EXOC6B: variants seen among roughly 807,000 people sequenced by gnomAD.
The protein encoded by EXOC6B is SEC15 homolog B.
EXOC6B carries 54 observed loss-of-function variants against 113.5 expected under a neutral mutation model. That is an observed-to-expected ratio of 0.48 (90% CI 0.38 to 0.60). The LOEUF is 0.60. Ranked by LOEUF, EXOC6B falls within the 20% of genes least tolerant of loss-of-function variation. The pLI, the probability that EXOC6B is intolerant of heterozygous loss-of-function variation, is 0.00. For missense variants in EXOC6B, 797 were observed against 977.5 expected (o/e 0.82, Z 2.46); for synonymous variants, 357 against 339.0 (o/e 1.05, Z -0.58).
chr2:72,336,352 T>C (rs149558042), intron 19 of EXOC6B, among the ~76,000 whole-genome samples: 2 of 152,212 alleles, frequency 1.3e-5, no homozygotes, highest in South Asian at 4.1e-4. Context: ...TAGGAACTTC[T>C]GTTCTTTAAA....
chr2:72,530,268 C>T (rs907660051), intron 8 of EXOC6B, among the ~76,000 whole-genome samples: 1 of 152,160 alleles, frequency 6.6e-6, no homozygotes, highest in Non-Finnish European at 1.5e-5. Flanking sequence ...CAGTTTAGTG[C>T]TATAAATTTC....
chr2:72,631,430 A>G (rs1413079719), intron 6 of EXOC6B, among the ~76,000 whole-genome samples: 2,770 of 19,726 alleles, frequency 0.14, 142 homozygotes, highest in African/African-American at 0.27. Context: ...GTGTGTGTAT[A>G]TATATATATA....
rs36104742 is a variant in EXOC6B, at chr2:72,653,974, T to A, written c.669+64129A>T. On this transcript the variant is annotated intron_variant, in intron 6 of 21. Transcript: ENST00000272427. ...ACAATGTCATGAATTTTATTTATTT[T>A]TTTTTTTTTTTTTGAGACGGAGTCT... Among the ~76,000 whole-genome samples, 320 of 117,998 alleles carry A rather than the reference T, an allele frequency of 2.7e-3. 2 individuals carry two copies. The highest frequency in any genetic ancestry group is 5.3e-3 in the African/African-American group (144 of 27,150). 77.4% of individuals were successfully genotyped at this position (117,998 alleles called of 152,430 possible).
chr2:72,493,330 C>CT (rs1366799028), intron 15 of EXOC6B, among the ~76,000 whole-genome samples: 2 of 137,912 alleles, frequency 1.5e-5, no homozygotes, highest in Non-Finnish European at 3.1e-5. Flanking sequence ...CCCCCCCCCC[C>CT]CCCCGCATTT....
At chr2:72,715,557 T>C (rs1460943259) in intron 6 of EXOC6B, among the ~76,000 whole-genome samples, 2 of 150,304 alleles carry the variant, frequency 1.3e-5, no homozygotes, top group Non-Finnish European at 1.5e-5. Flanking sequence ...AGCAAAGGAG[T>C]TCCTTCCAGG....
chr2:72,746,290 A>G (rs1681689230), intron 1 of EXOC6B, among the ~76,000 whole-genome samples: 1 of 152,124 alleles, frequency 6.6e-6, no homozygotes, highest in African/African-American at 2.4e-5. Context: ...ACTTTACTAT[A>G]GTACTTAGTA....
chr2:72,740,912 C>G (rs1681268884), intron 2 of EXOC6B, among the ~76,000 whole-genome samples: 2 of 152,074 alleles, frequency 1.3e-5, no homozygotes, highest in African/African-American at 4.8e-5. Context: ...ACCATCCTGG[C>G]TAACACGGTG....
intron 20 of EXOC6B, among the ~76,000 whole-genome samples, chr2:72,311,394 GA>G (rs1687174886): frequency 6.6e-6 from 1 of 151,988 alleles, no homozygotes; most frequent in Admixed American, 6.6e-5. Flanking sequence ...AGCCTTTATA[GA>G]GGCCACCCGT....
intron 20 of EXOC6B, among the ~76,000 whole-genome samples, chr2:72,208,293 T>G (rs1679960297): frequency 6.6e-6 from 1 of 151,994 alleles, no homozygotes. Context: ...TATGCCCATG[T>G]GAGCTCAATG....
At chr2:72,729,955 T>A (rs1043983491) in intron 5 of EXOC6B, among the ~76,000 whole-genome samples, 1 of 152,156 alleles carries the variant, frequency 6.6e-6, no homozygotes, top group African/African-American at 2.4e-5. Context: ...ATATTTTAAT[T>A]GTATACTTTT....
At chr2:72,403,975 A>G (rs930591199) in intron 18 of EXOC6B, among the ~76,000 whole-genome samples, 3 of 152,168 alleles carry the variant, frequency 2.0e-5, no homozygotes, top group Non-Finnish European at 4.4e-5. Flanking sequence ...GAAAGGGGTG[A>G]CAGACGGCAC....
chr2:72,475,615 GATA>G (rs1056670139), intron 17 of EXOC6B, among the ~76,000 whole-genome samples: 106 of 152,244 alleles, frequency 7.0e-4, no homozygotes, highest in African/African-American at 2.5e-3. Context: ...CAAGCCCTCT[GATA>G]ATGAGTATAG....
chr2:72,651,586 A>C (rs1384778153), intron 6 of EXOC6B, among the ~76,000 whole-genome samples: 1 of 152,222 alleles, frequency 6.6e-6, no homozygotes, highest in African/African-American at 2.4e-5. Flanking sequence ...CTAATACAAT[A>C]GTTTCTTATT....
At chr2:72,620,076 G>T (rs1005454115) in intron 6 of EXOC6B, among the ~76,000 whole-genome samples, 2 of 152,242 alleles carry the variant, frequency 1.3e-5, no homozygotes, top group African/African-American at 4.8e-5. Flanking sequence ...CCAGACTGAG[G>T]TGCATCTATT....
chr2:72,619,538 A>G (rs1209954217), intron 6 of EXOC6B, among the ~76,000 whole-genome samples: 1 of 152,190 alleles, frequency 6.6e-6, no homozygotes, highest in Admixed American at 6.5e-5. Context: ...GGCAGATAAA[A>G]GGCAGCCAGG....
At chr2:72,476,919 T>C (rs1327697268) in intron 17 of EXOC6B, among the ~76,000 whole-genome samples, 1 of 152,216 alleles carries the variant, frequency 6.6e-6, no homozygotes, top group African/African-American at 2.4e-5. Context: ...ATCCATTCTC[T>C]GCCTATAAAT....
chr2:72,339,787 G>A (rs969896254), intron 19 of EXOC6B, among the ~76,000 whole-genome samples: 2 of 152,130 alleles, frequency 1.3e-5, no homozygotes, highest in East Asian at 1.9e-4. Flanking sequence ...TTAAAAGGAG[G>A]TATACAAAAT....
At chr2:72,465,503 C>G (rs1697990485) in intron 17 of EXOC6B, among the ~76,000 whole-genome samples, 164 bp from the exon 18 acceptor site, 1 of 152,010 alleles carries the variant, frequency 6.6e-6, no homozygotes, top group South Asian at 2.1e-4. Flanking sequence ...TTTTTCAAAA[C>G]CATTGTGTAG....
intron 6 of EXOC6B, among the ~76,000 whole-genome samples, chr2:72,658,056 G>A (rs1173330274): frequency 6.7e-6 from 1 of 150,198 alleles, no homozygotes; most frequent in East Asian, 1.9e-4. Flanking sequence ...GGAAAATAAA[G>A]TTCAGAGAAC....
Sources: gnomAD v4.1 joint callset for allele counts (sites outside exome capture counted in the v4.1 genomes callset) on GRCh38, gnomAD v4.1.1 for gene constraint, MANE v1.5 for transcripts, NCBI Gene and HGNC (gene_info 2026-07-23, HGNC 2026-07-21) for gene names.